VAC14: variants seen among roughly 807,000 people sequenced by gnomAD.
VAC14 encodes VAC14 component of PIKFYVE complex.
VAC14 carries 47 observed loss-of-function variants against 85.3 expected under a neutral mutation model. The observed-to-expected ratio is 0.55, with a 90% CI of 0.44 to 0.70. The LOEUF (loss-of-function observed/expected upper bound fraction) is 0.70, where lower values mean the gene tolerates loss of function less well. VAC14 is among the 30% of genes least tolerant of loss of function. The pLI is 0.00. For missense variants in VAC14, 861 were observed against 1,004.3 expected (o/e 0.86, Z 1.93); for synonymous variants, 447 against 430.5 (o/e 1.04, Z -0.47).
intron 13 of VAC14, among the ~76,000 whole-genome samples, chr16:70,743,846 G>A (rs995887951): frequency 6.6e-6 from 1 of 152,194 alleles, no homozygotes; most frequent in Non-Finnish European, 1.5e-5. Flanking sequence ...CATTGCCAGA[G>A]GGAAGTGGCG....
At chr16:70,784,255 C>T (rs370437796) in intron 4 of VAC14, 35 bp from the exon 5 acceptor site, 131 of 1,585,766 alleles carry the variant, frequency 8.3e-5, no homozygotes, top group Non-Finnish European at 1.0e-4. Flanking sequence ...GCCGAGAGCC[C>T]GAGACCAGGG....
At chr16:70,725,495 G>A (rs538194567) in intron 14 of VAC14, among the ~76,000 whole-genome samples, 6 of 143,904 alleles carry the variant, frequency 4.2e-5, no homozygotes, top group South Asian at 2.2e-4. Flanking sequence ...GCGGCTGCCC[G>A]GCCCCCCACC....
intron 14 of VAC14, among the ~76,000 whole-genome samples, chr16:70,725,939 C>T (rs542055336): frequency 6.6e-5 from 10 of 152,350 alleles, no homozygotes; most frequent in Non-Finnish European, 1.0e-4. Context: ...GTCCTCTCTG[C>T]AAGGCGGCAG....
chr16:70,717,597 T>C (rs1274454530), intron 14 of VAC14, among the ~76,000 whole-genome samples: 1 of 152,194 alleles, frequency 6.6e-6, no homozygotes, highest in Non-Finnish European at 1.5e-5. Flanking sequence ...CAAGAGCTAG[T>C]TGCTGGGTGG....
intron 1 of VAC14, among the ~76,000 whole-genome samples, chr16:70,790,313 G>A (rs2034278420): frequency 1.3e-5 from 2 of 152,168 alleles, no homozygotes; most frequent in African/African-American, 4.8e-5. Context: ...CAAAGGCTCA[G>A]AGGAAGGAGG....
rs1423936908 is a variant in VAC14 at position 70,800,931 on chromosome 16, T to C, written c.-31A>G. Reference sequence around the variant, plus strand: ...CAGCTGGGGGAACCTCGCGACTCCTTAGCCCGCGGCTGCCGGGGCCGCGCC... The same window carrying C: ...CAGCTGGGGGAACCTCGCGACTCCTCAGCCCGCGGCTGCCGGGGCCGCGCC... On this transcript the variant is annotated 5_prime_UTR_variant, in exon 1 of 19. The change abolishes the stop of an existing upstream ORF in the 5' untranslated region. Transcript: ENST00000261776. 3 of 1,519,410 alleles carry C rather than the reference T, an allele frequency of 2.0e-6. No homozygotes were observed. The highest frequency in any genetic ancestry group is 2.7e-6 in the Non-Finnish European group (3 of 1,128,186). The allele number at this position is 1,519,410 out of a possible 1,614,324, so 94.1% of individuals were successfully genotyped here. A position where few individuals can be genotyped will look rare whatever the true frequency, so the allele number is the denominator to read the frequency against.
At chr16:70,695,819 G>T (rs1019142676) in intron 16 of VAC14, 196 bp from the exon 17 acceptor site, 1 of 545,892 alleles carries the variant, frequency 1.8e-6, no homozygotes, top group Admixed American at 3.0e-5. Context: ...CCCCTGTTCA[G>T]GAGTTCCAGG....
chr16:70,711,233 G>A (rs2054027351), intron 14 of VAC14, among the ~76,000 whole-genome samples: 7 of 152,218 alleles, frequency 4.6e-5, no homozygotes, highest in Admixed American at 4.6e-4. Flanking sequence ...ACAAGCTTCC[G>A]GGGCGGCCAG....
At position 70,726,391 on chromosome 16, in the gene VAC14, C is replaced by T. The variant is rs113398571; in HGVS notation, c.1661+5104G>A. On this transcript the variant is annotated intron_variant, in intron 14 of 18. Transcript: ENST00000261776. ...ACGGAAGGTGCCATGATTTCATCCC[C>T]TCAGGGGTGTGGTTCCCCCTCCACA... Among the ~76,000 whole-genome samples the T allele has an allele frequency of 2.6e-3, 392 of 152,362 alleles. 2 individuals carry two copies. The highest frequency in any genetic ancestry group is 3.8e-3 in the Non-Finnish European group (258 of 68,024).
At chr16:70,725,497 C>T (rs886455895) in intron 14 of VAC14, among the ~76,000 whole-genome samples, 4 of 151,534 alleles carry the variant, frequency 2.6e-5, no homozygotes, top group African/African-American at 9.7e-5. Flanking sequence ...GGCTGCCCGG[C>T]CCCCCACCCC....
At chr16:70,759,048 C>A (rs1367727618) in intron 12 of VAC14, among the ~76,000 whole-genome samples, 1 of 152,164 alleles carries the variant, frequency 6.6e-6, no homozygotes, top group African/African-American at 2.4e-5. Flanking sequence ...CCCAGCGAGG[C>A]CACGCACCCG....
intron 13 of VAC14, among the ~76,000 whole-genome samples, chr16:70,735,871 G>A (rs774025255): frequency 1.7e-4 from 26 of 152,276 alleles, no homozygotes; most frequent in Non-Finnish European, 2.8e-4. Context: ...GGCCCAAAGG[G>A]GCTGTTTGCA....
At chr16:70,755,144 C>A in intron 12 of VAC14, 1 of 272,580 alleles carries the variant, frequency 3.7e-6, no homozygotes, top group Non-Finnish European at 7.4e-6. Flanking sequence ...CACCACCCTG[C>A]AGCAGGCCTG....
At chr16:70,740,803 G>A (rs1597915782) in intron 13 of VAC14, among the ~76,000 whole-genome samples, 2 of 152,220 alleles carry the variant, frequency 1.3e-5, no homozygotes, top group Non-Finnish European at 2.9e-5. Context: ...AGGGAGGCAG[G>A]GTGGGAGAAG....
chr16:70,693,740 C>T (rs1457668792), intron 17 of VAC14, among the ~76,000 whole-genome samples: 1 of 152,262 alleles, frequency 6.6e-6, no homozygotes, highest in Non-Finnish European at 1.5e-5. Flanking sequence ...TTCTGCGAGC[C>T]TCTCCAGGAG....
chr16:70,748,917 A>G (rs947201106), intron 12 of VAC14, among the ~76,000 whole-genome samples: 10 of 152,218 alleles, frequency 6.6e-5, no homozygotes, highest in Non-Finnish European at 1.3e-4. Context: ...GGTCTGGGCA[A>G]TAGAGTGAGA....
rs534094661 is a variant in VAC14 at position 70,758,678 on chromosome 16, GC to G, written c.1371+3861del. Among the ~76,000 whole-genome samples, 630 of 152,300 alleles carry G rather than the reference GC, an allele frequency of 4.1e-3. 2 individuals carry two copies. The highest frequency in any genetic ancestry group is 0.015 in the African/African-American group (609 of 41,568). On this transcript the variant is annotated intron_variant, in intron 12 of 18. Coordinates refer to ENST00000261776, the MANE Select transcript of VAC14 (RefSeq NM_018052.5). Reference sequence around the variant, plus strand: ...CCAGCTGCCAGGCAGCCAACAACTGGCATCTTCTGGGCAGGGGAAGCAGCAG... The same window carrying G: ...CCAGCTGCCAGGCAGCCAACAACTGGATCTTCTGGGCAGGGGAAGCAGCAG...
At chr16:70,798,550 A>G (rs1036141885) in intron 1 of VAC14, among the ~76,000 whole-genome samples, 1 of 152,246 alleles carries the variant, frequency 6.6e-6, no homozygotes, top group African/African-American at 2.4e-5. Flanking sequence ...TTTGTGAAGC[A>G]TATGTTCTGA....
chr16:70,687,948 C>T lies in VAC14; in HGVS notation c.2329G>A (p.Asp777Asn), dbSNP rs769536879. 1.3e-6 allele frequency: 2 copies of T among 1,571,796 alleles called. No individual in the cohort carries two copies. Among genetic ancestry groups the T allele is most frequent in the South Asian group, 2.3e-5 (2 of 86,120 alleles). The change falls in exon 19 of 19, where the codon GAC becomes AAC. Residue 777 changes from aspartate (D) to asparagine (N), a missense_variant. Coordinates refer to ENST00000261776, the MANE Select transcript of VAC14 (RefSeq NM_018052.5). ...GCCTGTCAGAGGACAACCCTCCGGTCCAGGTGGTCCCCACGCCCGCTCCGC... is the reference window on the plus strand; with the variant it reads ...GCCTGTCAGAGGACAACCCTCCGGTTCAGGTGGTCCCCACGCCCGCTCCGC... ...HQRSGRGDHLDRRVVL is the reference protein window; with the variant it reads ...HQRSGRGDHLNRRVVL
Sources: gnomAD v4.1 joint callset for allele counts (sites outside exome capture counted in the v4.1 genomes callset) on GRCh38, gnomAD v4.1.1 for gene constraint, MANE v1.5 for transcripts, NCBI Gene and HGNC (gene_info 2026-07-23, HGNC 2026-07-21) for gene names.